Variants in KCNMA1 observed in about 807,000 individuals in gnomAD.
KCNMA1 encodes the protein potassium calcium-activated channel subfamily M alpha 1, also known as Calcium-activated potassium channel subunit alpha-1.
A neutral mutation model predicts 140.0 loss-of-function variants in KCNMA1; 29 were observed. The ratio of observed to expected loss-of-function variants is 0.21; its 90% confidence interval spans 0.15 to 0.28. The LOEUF is 0.28. Ranked by LOEUF, KCNMA1 falls within the 10% of genes least tolerant of loss-of-function variation. KCNMA1 has a pLI of 1.00. For synonymous variants in KCNMA1, 612 were observed against 611.9 expected (o/e 1.00, Z 0.00); for missense variants, 880 against 1,602.2 (o/e 0.55, Z 7.70).
At chr10:77,340,987 G>T (rs2090762470) in intron 2 of KCNMA1, among the ~76,000 whole-genome samples, 1 of 151,972 alleles carries the variant, frequency 6.6e-6, no homozygotes, top group Non-Finnish European at 1.5e-5. Context: ...TCAATGTCCA[G>T]AGTGCAGGGA....
chr10:76,945,792 T>C (rs908689663), intron 22 of KCNMA1, among the ~76,000 whole-genome samples: 7 of 119,302 alleles, frequency 5.9e-5, no homozygotes, highest in Admixed American at 1.8e-4. Context: ...AAAAAAAGTA[T>C]AGTTTCATTT....
chr10:77,307,060 A>G (rs1438111319), intron 2 of KCNMA1, among the ~76,000 whole-genome samples: 1 of 152,214 alleles, frequency 6.6e-6, no homozygotes, highest in Non-Finnish European at 1.5e-5. Flanking sequence ...TCAACTTGCA[A>G]AAGAACACAT....
intron 2 of KCNMA1, among the ~76,000 whole-genome samples, chr10:77,360,893 C>T (rs1414458684): frequency 6.6e-6 from 1 of 152,152 alleles, no homozygotes; most frequent in Admixed American, 6.5e-5. Context: ...CCTGAGCCTC[C>T]TCACTGCCAG....
chr10:76,889,986 T>G (rs1470065738), intron 26 of KCNMA1, among the ~76,000 whole-genome samples: 1 of 152,198 alleles, frequency 6.6e-6, no homozygotes, highest in African/African-American at 2.4e-5. Context: ...TAGGCTCGTG[T>G]TGTCAAAACT....
At chr10:77,243,297 C>T (rs1450556187) in intron 3 of KCNMA1, among the ~76,000 whole-genome samples, 5 of 152,332 alleles carry the variant, frequency 3.3e-5, no homozygotes, top group African/African-American at 9.6e-5. Context: ...CTCCAGCTGG[C>T]TCCTATCCTG....
At chr10:77,429,633 T>C (rs1382957026) in intron 1 of KCNMA1, among the ~76,000 whole-genome samples, 1 of 152,204 alleles carries the variant, frequency 6.6e-6, no homozygotes, top group African/African-American at 2.4e-5. Context: ...AGTAGTCTAT[T>C]AAAGGCCCTA....
chr10:76,884,164 G>A (rs1391181163), downstream of KCNMA1: 1 of 171,172 alleles, frequency 5.8e-6, no homozygotes, highest in Non-Finnish European at 1.2e-5. Context: ...TCTCTGGTTG[G>A]GATTTAACAA....
chr10:76,997,356 G>A (rs1422239082), intron 19 of KCNMA1, among the ~76,000 whole-genome samples: 1 of 152,238 alleles, frequency 6.6e-6, no homozygotes, highest in East Asian at 1.9e-4. Context: ...TAAACAATTA[G>A]TAAATTGAAA....
At chr10:77,369,584 G>T (rs946439886) in intron 2 of KCNMA1, among the ~76,000 whole-genome samples, 1 of 152,144 alleles carries the variant, frequency 6.6e-6, no homozygotes, top group African/African-American at 2.4e-5. Flanking sequence ...GAATTTTCAA[G>T]AAAAAATTCT....
chr10:77,391,281 ATG>A (rs1279572051), intron 2 of KCNMA1, among the ~76,000 whole-genome samples: 1 of 152,144 alleles, frequency 6.6e-6, no homozygotes, highest in Non-Finnish European at 1.5e-5. Context: ...CCAGGGAAGG[ATG>A]TGTGCCCTTG....
chr10:77,048,324 T>C (rs1410031888), intron 14 of KCNMA1, among the ~76,000 whole-genome samples: 1 of 152,196 alleles, frequency 6.6e-6, no homozygotes, highest in Non-Finnish European at 1.5e-5. Flanking sequence ...CTATGGACCA[T>C]GGACCACACT....
At chr10:77,101,404 CT>C (rs2097094585) in intron 9 of KCNMA1, among the ~76,000 whole-genome samples, 1 of 152,176 alleles carries the variant, frequency 6.6e-6, no homozygotes, top group Non-Finnish European at 1.5e-5. Context: ...GTTCTGTCAA[CT>C]TGAATTATCT....
chr10:77,464,340 C>T (rs552454167), intron 1 of KCNMA1, among the ~76,000 whole-genome samples: 5 of 152,072 alleles, frequency 3.3e-5, no homozygotes, highest in African/African-American at 4.8e-5. Flanking sequence ...TGCCCCCTTC[C>T]GCTTTCTTGG....
chr10:77,083,501 T>TAAAAA (rs35527205), intron 12 of KCNMA1, among the ~76,000 whole-genome samples: 2 of 91,392 alleles, frequency 2.2e-5, no homozygotes, highest in East Asian at 3.2e-4. Flanking sequence ...AGATGTTCTG[T>TAAAAA]AAAAAAAAAA....
intron 14 of KCNMA1, chr10:77,063,587 G>A: frequency 3.8e-6 from 1 of 263,596 alleles, no homozygotes; most frequent in Non-Finnish European, 5.9e-6. Flanking sequence ...GTGTAGAATA[G>A]TTGCCTCAAA....
At position 77,444,902 on chromosome 10, in the gene KCNMA1, A is replaced by G. The variant is rs1205576585; in HGVS notation, c.379-40879T>C. ...GGTGATAGAGGGAATTCTCCACTTG[A>G]GCAGTGAACAACAGTGTCACCATCC... On this transcript the variant is annotated intron_variant, in intron 1 of 27. Coordinates refer to ENST00000286628, the MANE Select transcript of KCNMA1 (RefSeq NM_001161352.2). Among the ~76,000 whole-genome samples the G allele has an allele frequency of 2.0e-5, 3 of 152,272 alleles. No homozygotes were observed. In the East Asian group the frequency reaches 5.8e-4, roughly 29 times the overall value.
chr10:77,155,658 T>C (rs755713849), intron 5 of KCNMA1, among the ~76,000 whole-genome samples: 5 of 152,014 alleles, frequency 3.3e-5, no homozygotes, highest in Non-Finnish European at 7.4e-5. Context: ...CTCAGTCCCA[T>C]GGAAACGGTT....
chr10:76,910,504 A>T (rs941528585), intron 24 of KCNMA1: 22 of 297,748 alleles, frequency 7.4e-5, no homozygotes, highest in Admixed American at 6.3e-4. Flanking sequence ...AGCCACAATG[A>T]AAAGAAAGCA....
At position 77,026,737 on chromosome 10, in the gene KCNMA1, G is replaced by A. The variant is rs1483228628; in HGVS notation, c.1928+1086C>T. Among the ~76,000 whole-genome samples, 5 of 152,102 alleles carry A rather than the reference G, an allele frequency of 3.3e-5. No individual in the cohort carries two copies. In the South Asian group the frequency reaches 1.0e-3, roughly 32 times the overall value. Reference sequence around the variant, plus strand: ...TGAGCAATCTGATCTGGTAGTTAAGGTAACAGAAAACATTGGATTGATCTG... The same window carrying A: ...TGAGCAATCTGATCTGGTAGTTAAGATAACAGAAAACATTGGATTGATCTG... On this transcript the variant is annotated intron_variant, in intron 16 of 27. Transcript: ENST00000286628.
Sources: allele counts gnomAD v4.1 joint callset (sites outside exome capture counted in the v4.1 genomes callset), GRCh38; gene constraint gnomAD v4.1.1; transcripts MANE v1.5; gene names NCBI Gene and HGNC (gene_info 2026-07-23, HGNC 2026-07-21).